Variants in RGS17 observed in about 807,000 individuals in gnomAD.
RGS17 encodes regulator of G-protein signaling 17.
Under a neutral mutation model 25.5 loss-of-function variants are expected in RGS17, and 12 were observed. That is an observed-to-expected ratio of 0.47 (90% CI 0.30 to 0.76). The LOEUF (loss-of-function observed/expected upper bound fraction) is 0.76. Among genes scored for constraint, RGS17 ranks in the 30% least tolerant of loss-of-function variants. The pLI is 0.07. For synonymous variants in RGS17, 71 were observed against 76.9 expected (o/e 0.92, Z 0.40); for missense variants, 196 against 242.2 (o/e 0.81, Z 1.27).
intron 4 of RGS17, among the ~76,000 whole-genome samples, chr6:153,016,114 C>A (rs1211141621): frequency 1.3e-5 from 2 of 152,078 alleles, no homozygotes; most frequent in Admixed American, 6.6e-5. Flanking sequence ...ATTGGGAATT[C>A]TTTAAAAATA....
At chr6:153,099,002 A>G (rs557409031) in intron 1 of RGS17, among the ~76,000 whole-genome samples, 39 of 152,122 alleles carry the variant, frequency 2.6e-4, no homozygotes, top group African/African-American at 9.2e-4. Flanking sequence ...TCATGGTTGT[A>G]TCTCTTGTCC....
At chr6:153,018,771 T>G (rs1779210270) in intron 4 of RGS17, among the ~76,000 whole-genome samples, 1 of 152,240 alleles carries the variant, frequency 6.6e-6, no homozygotes, top group Admixed American at 6.5e-5. Flanking sequence ...CCCCAACATC[T>G]AGTCCAGTGC....
chr6:153,012,072 C>G (rs965234148), intron 4 of RGS17, among the ~76,000 whole-genome samples: 14 of 152,150 alleles, frequency 9.2e-5, no homozygotes, highest in Admixed American at 6.5e-5. Context: ...GGTTGAGATA[C>G]CAGAAATTTC....
chr6:153,027,178 T>C (rs1049419147), intron 2 of RGS17, among the ~76,000 whole-genome samples: 8 of 152,020 alleles, frequency 5.3e-5, no homozygotes, highest in African/African-American at 1.7e-4. Flanking sequence ...CAGGTGAGCA[T>C]TGGGTGGGAG....
rs1376788330 is a variant in RGS17, at chr6:153,048,126, C to G, written c.-25-4083G>C. ...AATTCAGGATGCAAATATCCAACTA[C>G]CTACTCAATATCTTCACTTGGCTTT... is the stretch of plus-strand genomic sequence containing the variant. On this transcript the variant is annotated intron_variant, in intron 1 of 4. Transcript: ENST00000206262. Among the ~76,000 whole-genome samples, 4 of 152,206 alleles carry G rather than the reference C, an allele frequency of 2.6e-5. No homozygotes were observed. The East Asian group carries it at 7.7e-4, about 29-fold the overall frequency.
intron 2 of RGS17, among the ~76,000 whole-genome samples, chr6:153,035,779 A>T (rs1193544512): frequency 6.6e-6 from 1 of 152,090 alleles, no homozygotes; most frequent in African/African-American, 2.4e-5. Context: ...CTCAAAGCAA[A>T]CCTTCACCCT....
At chr6:153,109,534 A>G (rs1013720367) in intron 1 of RGS17, among the ~76,000 whole-genome samples, 4 of 152,240 alleles carry the variant, frequency 2.6e-5, no homozygotes, top group African/African-American at 9.6e-5. Context: ...AATACAGACA[A>G]TATCACGATC....
intron 1 of RGS17, among the ~76,000 whole-genome samples, chr6:153,051,356 A>G (rs184125807): frequency 6.7e-4 from 102 of 152,340 alleles, no homozygotes; most frequent in African/African-American, 2.3e-3. Flanking sequence ...CTGTAGAGAA[A>G]GCTTCCATCT....
intron 1 of RGS17, among the ~76,000 whole-genome samples, chr6:153,095,457 T>A (rs1029055553): frequency 2.6e-5 from 4 of 152,126 alleles, no homozygotes; most frequent in Non-Finnish European, 5.9e-5. Flanking sequence ...CTTAAAAAAA[T>A]AAATTTTGAA....
intron 1 of RGS17, among the ~76,000 whole-genome samples, chr6:153,118,340 G>A (rs1777572011): frequency 6.6e-6 from 1 of 152,130 alleles, no homozygotes; most frequent in Non-Finnish European, 1.5e-5. Context: ...GCAACTTAAA[G>A]CAAACCTGCA....
chr6:153,015,686 C>A (rs1184168501), intron 4 of RGS17, among the ~76,000 whole-genome samples: 4 of 150,942 alleles, frequency 2.7e-5, no homozygotes, highest in African/African-American at 7.3e-5. Flanking sequence ...TTTAGTCTCG[C>A]TCTGTCGCCC....
At chr6:153,117,863 T>C (rs76121729) in intron 1 of RGS17, among the ~76,000 whole-genome samples, 1,689 of 152,314 alleles carry the variant, frequency 0.011, 30 homozygotes, top group African/African-American at 0.039. Flanking sequence ...ACATTCTAGT[T>C]TCTGGAATGA....
At chr6:153,095,808 A>T (rs1045725973) in intron 1 of RGS17, among the ~76,000 whole-genome samples, 2 of 152,242 alleles carry the variant, frequency 1.3e-5, no homozygotes, top group Non-Finnish European at 2.9e-5. Flanking sequence ...TTTGCAAAAC[A>T]TTACAAATGA....
At chr6:153,086,753 C>T (rs937999660) in intron 1 of RGS17, among the ~76,000 whole-genome samples, 3 of 152,158 alleles carry the variant, frequency 2.0e-5, no homozygotes, top group Admixed American at 6.6e-5. Context: ...ACTAAACATA[C>T]ACACACATGT....
chr6:153,026,987 T>A (rs9478382), intron 2 of RGS17, among the ~76,000 whole-genome samples: 1 of 152,112 alleles, frequency 6.6e-6, no homozygotes, highest in Non-Finnish European at 1.5e-5. Flanking sequence ...GCTAATAAGA[T>A]ACAATGTGTC....
chr6:153,033,000 C>T (rs993061963), intron 2 of RGS17, among the ~76,000 whole-genome samples: 1 of 152,122 alleles, frequency 6.6e-6, no homozygotes, highest in Non-Finnish European at 1.5e-5. Context: ...TTTAAAAGAG[C>T]CATCCTGAGA....
intron 2 of RGS17, among the ~76,000 whole-genome samples, chr6:153,031,565 C>T (rs1035806353): frequency 3.3e-5 from 5 of 152,186 alleles, no homozygotes; most frequent in Non-Finnish European, 5.9e-5. Context: ...TTGACTTACA[C>T]AATACCCACA....
chr6:153,050,853 GTAATGATATTTGGAGATGGGGCCAAATA>G (rs553369475), intron 1 of RGS17, among the ~76,000 whole-genome samples: 2,132 of 152,280 alleles, frequency 0.014, 58 homozygotes, highest in African/African-American at 0.048. Context: ...AATCCCAAAT[GTAATGATATTTGGAGATGGGGCCAAATA>G]TAATGATATT....
At chr6:153,025,325 GGTTT>G (rs958818388) in intron 3 of RGS17, among the ~76,000 whole-genome samples, 1 of 151,406 alleles carries the variant, frequency 6.6e-6, no homozygotes, top group African/African-American at 2.4e-5. Flanking sequence ...AAAAAAAAAA[GGTTT>G]TTTTCCTACG....
Sources: allele counts gnomAD v4.1 joint callset (sites outside exome capture counted in the v4.1 genomes callset), GRCh38; gene constraint gnomAD v4.1.1; transcripts MANE v1.5; gene names NCBI Gene and HGNC (gene_info 2026-07-23, HGNC 2026-07-21).